Variants in LAYN observed in about 807,000 individuals in gnomAD.
LAYN encodes the protein layilin.
In LAYN, 38 loss-of-function variants were observed where a neutral mutation model predicts 43.6. The observed-to-expected ratio is 0.87, with a 90% CI of 0.67 to 1.14. The LOEUF (loss-of-function observed/expected upper bound fraction) is 1.14, where lower values mean the gene tolerates loss of function less well. LAYN is among the 50% of genes most tolerant of loss of function. The pLI is 0.00. For missense variants in LAYN, 479 were observed against 463.8 expected (o/e 1.03, Z -0.30); for synonymous variants, 168 against 172.9 (o/e 0.97, Z 0.22).
Position 111,554,566 on chromosome 11 carries a change from C to T in LAYN, c.547C>T (p.Pro183Ser). ...TTTGTTTCTTTCTACTACAGAGAAA[C>T]CAGCAGTTCCTTCTAGAGAAGCTGA... ...NFICKYSDEK[P>S]AVPSREAEGE... The change falls in exon 4 of 7, where the codon CCA (proline) becomes TCA (serine). Residue 183 changes from proline to serine, a missense_variant. Physicochemically the swap from Pro to Ser is moderately conservative, Grantham distance 74 (BLOSUM62 -1). Transcript: ENST00000375614. 6.2e-7 allele frequency: 1 copy of T among 1,612,612 alleles called. No individual in the cohort carries two copies. The highest frequency in any genetic ancestry group is 8.5e-7 in the Non-Finnish European group (1 of 1,179,440).
chr11:111,549,495 G>C (rs759319111), intron 2 of LAYN, 123 bp from the exon 3 acceptor site: 2 of 759,146 alleles, frequency 2.6e-6, no homozygotes, highest in Non-Finnish European at 4.0e-6. Flanking sequence ...ACCTCTCTCT[G>C]TATCATGTTC....
chr11:111,541,544 C>T, intron 1 of LAYN: 1 of 1,536,234 alleles, frequency 6.5e-7, no homozygotes. Flanking sequence ...CTTCCTTCCT[C>T]CTGTTGTGTC....
intron 6 of LAYN, among the ~76,000 whole-genome samples, chr11:111,559,553 C>G (rs1193400287): frequency 6.6e-6 from 1 of 152,014 alleles, no homozygotes; most frequent in Non-Finnish European, 1.5e-5. Flanking sequence ...CGGCCTTGAC[C>G]TCCCAGGTTA....
Position 111,540,769 on chromosome 11 carries a change from C to CGCGCACGCCT in LAYN, c.-74_-65dup. The CGCGCACGCCT allele has an allele frequency of 7.2e-7, 1 of 1,395,224 alleles. No individual in the cohort carries two copies. The highest frequency in any genetic ancestry group is 2.4e-5 in the Admixed American group (1 of 41,280). The allele number at this position is 1,395,224 out of a possible 1,614,324, so 86.4% of individuals were successfully genotyped here. ...ATGCTGCTGCCGCGGTTGCAGTTGT[C>CGCGCACGCCT]GCGCACGCCTCTGCCCGCCAGCCCG... On this transcript the variant is annotated 5_prime_UTR_variant, in exon 1 of 7. The change creates a premature stop within an existing upstream ORF in the 5' untranslated region. Coordinates refer to ENST00000375614, the MANE Select transcript of LAYN (RefSeq NM_178834.5).
In LAYN at chr11:111,560,502, T is replaced by C; in HGVS notation, c.*44T>C. 1 of 1,559,640 alleles carries C rather than the reference T, an allele frequency of 6.4e-7. No homozygotes were observed. Among genetic ancestry groups the C allele is most frequent in the Non-Finnish European group, 8.7e-7 (1 of 1,150,668 alleles). ...ACTGACAACAATGGAAAAGAAATGA[T>C]AAGCAAAATCCTCTTATTTTCTATA... On this transcript the variant is annotated 3_prime_UTR_variant, in exon 7 of 7. Coordinates refer to ENST00000375614, the MANE Select transcript of LAYN (RefSeq NM_178834.5).
intron 6 of LAYN, 31 bp from the exon 7 acceptor site, chr11:111,560,064 A>G: frequency 1.3e-6 from 2 of 1,572,038 alleles, no homozygotes; most frequent in Non-Finnish European, 1.7e-6. Flanking sequence ...CCTGGTCTAA[A>G]ACACTCAGCC....
intron 2 of LAYN, among the ~76,000 whole-genome samples, chr11:111,545,913 T>C (rs1867640886): frequency 6.6e-6 from 1 of 152,220 alleles, no homozygotes; most frequent in Non-Finnish European, 1.5e-5. Flanking sequence ...GCTATGTTGG[T>C]GTCCTCAAGT....
intron 2 of LAYN, among the ~76,000 whole-genome samples, chr11:111,545,067 TA>T (rs1184961373): frequency 6.7e-6 from 1 of 150,136 alleles, no homozygotes; most frequent in African/African-American, 2.4e-5. Flanking sequence ...TATATATATA[TA>T]TATATATTTT....
At chr11:111,559,200 A>G (rs755678002) in intron 6 of LAYN, among the ~76,000 whole-genome samples, 6 of 152,218 alleles carry the variant, frequency 3.9e-5, no homozygotes, top group Non-Finnish European at 7.3e-5. Context: ...TTAGTAATAC[A>G]TGTACTCCTT....
chr11:111,543,835 G>A, intron 1 of LAYN, 88 bp from the exon 2 acceptor site: 1 of 1,337,926 alleles, frequency 7.5e-7, no homozygotes, highest in Admixed American at 2.3e-5. Context: ...TTCCTACCCA[G>A]GGATACCTTC....
rs1714434027 is a variant in LAYN at position 111,560,468 on chromosome 11, A to C, written c.*10A>C. ...AATATATGGTTATTAGGACATATAAAAAACTGAAACTGACAACAATGGAAA... is the reference window on the plus strand; with the variant it reads ...AATATATGGTTATTAGGACATATAACAAACTGAAACTGACAACAATGGAAA... On this transcript the variant is annotated 3_prime_UTR_variant, in exon 7 of 7. Coordinates refer to ENST00000375614, the MANE Select transcript of LAYN (RefSeq NM_178834.5). 4 of 1,590,484 alleles carry C rather than the reference A, an allele frequency of 2.5e-6. No homozygotes were observed. In the Admixed American group the frequency reaches 5.5e-5, roughly 22 times the overall value.
chr11:111,556,645 A>G (rs976083672), intron 5 of LAYN, among the ~76,000 whole-genome samples: 1 of 152,232 alleles, frequency 6.6e-6, no homozygotes, highest in African/African-American at 2.4e-5. Context: ...AGTGCTCTGC[A>G]AAGGTGGGTG....
chr11:111,553,927 CA>C (rs754325234), intron 3 of LAYN, among the ~76,000 whole-genome samples: 11 of 152,146 alleles, frequency 7.2e-5, no homozygotes, highest in Non-Finnish European at 1.0e-4. Context: ...AACAGGTGGA[CA>C]CACTCCCAGT....
chr11:111,549,752 A>G lies in LAYN; in HGVS notation c.518A>G (p.Asn173Ser). The G allele has an allele frequency of 1.2e-6, 2 of 1,603,492 alleles. No individual in the cohort carries two copies. Among genetic ancestry groups the G allele is most frequent in the Non-Finnish European group, 1.7e-6 (2 of 1,176,190 alleles). Residue 173 changes from asparagine to serine, a missense_variant, in exon 3 of 7, where the codon AAT becomes AGT. By Grantham distance (46) the Asn-to-Ser change is conservative. Transcript: ENST00000375614. ...GATGACCGGTGCAACATGAAGAACA[A>G]TTTCATTTGCAAATATTCTGATGGT... ...WNDDRCNMKN[N>S]FICKYSDEKP...
rs1486378957 is a variant in LAYN, at chr11:111,561,417, CT to C, written c.*961del. On this transcript the variant is annotated 3_prime_UTR_variant, in exon 7 of 7. Transcript: ENST00000375614. ...TGAAATTTGAGTCTCAGCTTCTAGG[CT>C]TATGTACTCCCATCCCTGATACTAC... The C allele has an allele frequency of 6.6e-6, 1 of 152,188 alleles. No individual in the cohort carries two copies. Among genetic ancestry groups the C allele is most frequent in the Non-Finnish European group, 1.5e-5 (1 of 68,030 alleles). The allele number at this position is 152,188 out of a possible 1,614,324, so 9.4% of individuals were successfully genotyped here.
At chr11:111,549,802 G>A (rs758096379) in intron 3 of LAYN, 27 bp downstream of exon 3, 29 of 1,581,270 alleles carry the variant, frequency 1.8e-5, no homozygotes, top group Admixed American at 5.6e-5. Flanking sequence ...CAAGCTATGC[G>A]GCTGAATTCT....
At chr11:111,541,031 C>A (rs1371774300) in intron 1 of LAYN, 103 bp downstream of exon 1, 1 of 1,039,006 alleles carries the variant, frequency 9.6e-7, no homozygotes, top group Non-Finnish European at 1.4e-6. Flanking sequence ...ACTAGAAGGC[C>A]GTCCCATGCC....
chr11:111,541,488 G>T, intron 1 of LAYN: 1 of 1,409,534 alleles, frequency 7.1e-7, no homozygotes, highest in Non-Finnish European at 9.7e-7. Context: ...AAGAACTCCA[G>T]TTAGTGTGGG....
rs1867515068 is a variant in LAYN, at chr11:111,540,763, A to C, written c.-81A>C. On this transcript the variant is annotated 5_prime_UTR_variant, in exon 1 of 7. Coordinates refer to ENST00000375614, the MANE Select transcript of LAYN (RefSeq NM_178834.5). ...CTAGAGATGCTGCTGCCGCGGTTGC[A>C]GTTGTCGCGCACGCCTCTGCCCGCC... The C allele has an allele frequency of 7.4e-7, 1 of 1,344,268 alleles. No individual in the cohort carries two copies. Among genetic ancestry groups the C allele is most frequent in the African/African-American group, 1.5e-5 (1 of 65,126 alleles). 83.3% of individuals were successfully genotyped at this position (1,344,268 alleles called of 1,614,324 possible).
Sources: allele counts gnomAD v4.1 joint callset (sites outside exome capture counted in the v4.1 genomes callset), GRCh38; gene constraint gnomAD v4.1.1; transcripts MANE v1.5; gene names NCBI Gene and HGNC (gene_info 2026-07-23, HGNC 2026-07-21).